The following ZFAND3 variants were observed in gnomAD, a reference collection of about 807,000 sequenced individuals.
ZFAND3 encodes zinc finger AN1-type containing 3.
A neutral mutation model predicts 29.6 loss-of-function variants in ZFAND3; 10 were observed. That is an observed-to-expected ratio of 0.34 (90% CI 0.21 to 0.57). The LOEUF is 0.57. Ranked by LOEUF, ZFAND3 falls within the 20% of genes least tolerant of loss-of-function variation. The probability of loss-of-function intolerance (pLI) is 0.86; values close to 1 mark genes in which losing one functional copy is unlikely to be tolerated. For synonymous variants in ZFAND3, 128 were observed against 112.6 expected, an observed-to-expected ratio of 1.14 and a Z score of -0.87; for missense variants, 230 against 304.5, an observed-to-expected ratio of 0.76 and a Z score of 1.82.
rs778861108 is a variant in ZFAND3, at chr6:38,046,738, C to G, written c.113-14855C>G. 2.0e-5 allele frequency among the ~76,000 whole-genome samples: 3 copies of G among 152,098 alleles called. No homozygotes were observed. The South Asian group carries it at 6.2e-4, about 32-fold the overall frequency. ...TAATTTAAAACACAAAATTTTGAGT[C>G]AGGGTTAGATTATCTGATATTTTAT... is the stretch of plus-strand genomic sequence containing the variant. On this transcript the variant is annotated intron_variant, in intron 2 of 5. Coordinates refer to ENST00000287218, the MANE Select transcript of ZFAND3 (RefSeq NM_021943.3).
intron 2 of ZFAND3, among the ~76,000 whole-genome samples, chr6:38,025,585 T>C (rs1486150662): frequency 6.6e-6 from 1 of 152,224 alleles, no homozygotes; most frequent in Non-Finnish European, 1.5e-5. Flanking sequence ...TTTATTACTA[T>C]AAAACATTAG....
chr6:37,930,742 T>C (rs1447685060), intron 2 of ZFAND3, among the ~76,000 whole-genome samples: 1 of 152,214 alleles, frequency 6.6e-6, no homozygotes, highest in African/African-American at 2.4e-5. Flanking sequence ...ATTTTTACTT[T>C]TTAAAAAACT....
Position 38,063,887 on chromosome 6 carries a change from G to A in ZFAND3, c.295+2112G>A, listed in dbSNP as rs528713607. Among the ~76,000 whole-genome samples, 21 of 151,346 alleles carry A rather than the reference G, an allele frequency of 1.4e-4. No individual in the cohort carries two copies. The South Asian group carries it at 4.2e-3, about 30-fold the overall frequency. On this transcript the variant is annotated intron_variant, in intron 3 of 5. Transcript: ENST00000287218. ...GATTAAACAGGAATAACATTGCAAA[G>A]AAAGAATTTTTTAAATATTATAACT...
chr6:38,082,296 C>A (rs1425661806), intron 3 of ZFAND3, 96 bp from the exon 4 acceptor site: 1 of 1,111,062 alleles, frequency 9.0e-7, no homozygotes, highest in Non-Finnish European at 1.3e-6. Flanking sequence ...TCAGGTTGAT[C>A]TTTTCCTTTT....
At chr6:37,840,978 C>T (rs1056169823) in intron 1 of ZFAND3, among the ~76,000 whole-genome samples, 4 of 152,078 alleles carry the variant, frequency 2.6e-5, no homozygotes, top group East Asian at 1.9e-4. Flanking sequence ...TGCTTTGTAA[C>T]CATAATGCTT....
chr6:37,961,215 A>AGTGGTG (rs1762189659), intron 2 of ZFAND3, among the ~76,000 whole-genome samples: 1 of 152,186 alleles, frequency 6.6e-6, no homozygotes, highest in Non-Finnish European at 1.5e-5. Flanking sequence ...GTAGTTGGGC[A>AGTGGTG]GTACTCCCTG....
At chr6:37,891,848 C>T (rs901345278) in intron 1 of ZFAND3, among the ~76,000 whole-genome samples, 1 of 152,008 alleles carries the variant, frequency 6.6e-6, no homozygotes, top group Non-Finnish European at 1.5e-5. Flanking sequence ...CCTATCTCAG[C>T]CTCCCGAGTA....
At chr6:38,102,007 C>T (rs1320200979) in intron 4 of ZFAND3, among the ~76,000 whole-genome samples, 1 of 152,088 alleles carries the variant, frequency 6.6e-6, no homozygotes, top group Non-Finnish European at 1.5e-5. Context: ...GAGCATATCC[C>T]ACAGGATGAC....
At chr6:37,928,962 T>G (rs1761541031) in intron 1 of ZFAND3, among the ~76,000 whole-genome samples, 1 of 152,220 alleles carries the variant, frequency 6.6e-6, no homozygotes. Context: ...CCTAGCTTTG[T>G]GACCTAGAAC....
intron 2 of ZFAND3, among the ~76,000 whole-genome samples, chr6:37,977,201 A>G (rs1165669957): frequency 1.3e-5 from 2 of 152,218 alleles, no homozygotes; most frequent in South Asian, 2.1e-4. Context: ...CCCTCATTGT[A>G]TATGTGGTCT....
chr6:38,100,064 CT>C (rs994008191), intron 4 of ZFAND3, among the ~76,000 whole-genome samples: 37 of 146,628 alleles, frequency 2.5e-4, no homozygotes, highest in Admixed American at 4.1e-4. Context: ...TTCTTTTTTT[CT>C]TTTTTTTTTT....
rs571283004 is a variant in ZFAND3 at position 38,069,256 on chromosome 6, T to C, written c.295+7481T>C. Among the ~76,000 whole-genome samples, 469 of 152,340 alleles carry C rather than the reference T, an allele frequency of 3.1e-3. 3 individuals are homozygous for C. The highest frequency in any genetic ancestry group is 0.011 in the African/African-American group (446 of 41,580). Reference sequence around the variant, plus strand: ...CTTCTAGTAAAGCATTTAGAAAATATTGCCTATTAAAAAATATTTTATGAC... The same window carrying C: ...CTTCTAGTAAAGCATTTAGAAAATACTGCCTATTAAAAAATATTTTATGAC... On this transcript the variant is annotated intron_variant, in intron 3 of 5. Transcript: ENST00000287218.
At chr6:38,138,004 T>A (rs1765874786) in intron 5 of ZFAND3, among the ~76,000 whole-genome samples, 1 of 152,128 alleles carries the variant, frequency 6.6e-6, no homozygotes. Flanking sequence ...GTGATCTGAC[T>A]TAAATTTTAA....
intron 5 of ZFAND3, among the ~76,000 whole-genome samples, chr6:38,150,719 G>T (rs182092245): frequency 6.6e-6 from 1 of 152,312 alleles, no homozygotes; most frequent in East Asian, 1.9e-4. Flanking sequence ...GGATGAGTCA[G>T]TTTGCAAGGG....
chr6:37,875,973 T>C (rs1477667511), intron 1 of ZFAND3, among the ~76,000 whole-genome samples: 1 of 152,122 alleles, frequency 6.6e-6, no homozygotes, highest in Non-Finnish European at 1.5e-5. Context: ...TGCTTTATAA[T>C]ATGTGAATGT....
Position 38,002,285 on chromosome 6 carries a change from C to CTTT in ZFAND3, c.113-59294_113-59292dup, listed in dbSNP as rs559479814. 1.6e-4 allele frequency among the ~76,000 whole-genome samples: 22 copies of CTTT among 137,906 alleles called. No individual in the cohort carries two copies. In the East Asian group the frequency reaches 2.9e-3, roughly 18 times the overall value. 90.5% of individuals were successfully genotyped at this position (137,906 alleles called of 152,430 possible). ...AAATTACACTACTGTATTTTCTTTTCTTTTTTTTTTTTTTTTAAAGAAAAC... is the reference window on the plus strand; with the variant it reads ...AAATTACACTACTGTATTTTCTTTTCTTTTTTTTTTTTTTTTTTTAAAGAAAAC... On this transcript the variant is annotated intron_variant, in intron 2 of 5. Transcript: ENST00000287218.
intron 2 of ZFAND3, among the ~76,000 whole-genome samples, chr6:38,013,649 A>G (rs1002570573): frequency 6.6e-5 from 10 of 152,194 alleles, no homozygotes; most frequent in African/African-American, 2.2e-4. Context: ...TAGAACCAGT[A>G]TTTCAAATGG....
At chr6:37,915,310 T>C (rs1251951958) in intron 1 of ZFAND3, among the ~76,000 whole-genome samples, 2 of 152,214 alleles carry the variant, frequency 1.3e-5, no homozygotes, top group Non-Finnish European at 2.9e-5. Flanking sequence ...TTTCTGCATA[T>C]TCGTATGTTC....
intron 2 of ZFAND3, among the ~76,000 whole-genome samples, chr6:37,940,674 C>A (rs1453928811): frequency 2.0e-5 from 3 of 152,170 alleles, no homozygotes; most frequent in East Asian, 1.9e-4. Context: ...GAAGGCCAAG[C>A]AAGAACTTGC....
Sources: allele counts gnomAD v4.1 joint callset (sites outside exome capture counted in the v4.1 genomes callset), GRCh38; gene constraint gnomAD v4.1.1; transcripts MANE v1.5; gene names NCBI Gene and HGNC (gene_info 2026-07-23, HGNC 2026-07-21).